Variants in STX5 observed in about 807,000 individuals in gnomAD.
The protein encoded by STX5 is syntaxin-5.
In STX5, 15 loss-of-function variants were observed where a neutral mutation model predicts 42.9. The observed-to-expected ratio is 0.35, with a 90% CI of 0.23 to 0.54. The LOEUF (loss-of-function observed/expected upper bound fraction) is 0.54, where lower values mean the gene tolerates loss of function less well. STX5 is among the 20% of genes least tolerant of loss of function. The pLI, the probability that STX5 is intolerant of heterozygous loss-of-function variation, is 0.91. For missense variants in STX5, 430 were observed against 455.0 expected (o/e 0.95, Z 0.50); for synonymous variants, 184 against 173.2 (o/e 1.06, Z -0.49).
intron 10 of STX5, among the ~76,000 whole-genome samples, chr11:62,812,073 C>CTTTTT (rs1192177705): frequency 6.2e-5 from 7 of 113,786 alleles, no homozygotes; most frequent in East Asian, 2.7e-4. Flanking sequence ...ACTCAAATAC[C>CTTTTT]TTTTTTTTTT....
At chr11:62,831,587 C>A (rs2084865787) in intron 1 of STX5, among the ~76,000 whole-genome samples, 1 of 152,150 alleles carries the variant, frequency 6.6e-6, no homozygotes, top group Admixed American at 6.5e-5. Context: ...CGGGCCCTAA[C>A]CCAGCCCTTT....
chr11:62,829,014 G>A (rs891959748), intron 2 of STX5, among the ~76,000 whole-genome samples: 2 of 151,498 alleles, frequency 1.3e-5, no homozygotes, highest in Admixed American at 1.3e-4. Context: ...AGTGAACCCA[G>A]ATCACGTCAC....
chr11:62,818,087 T>C (rs1420618081), intron 10 of STX5, among the ~76,000 whole-genome samples: 5 of 151,536 alleles, frequency 3.3e-5, no homozygotes. Context: ...CTCCTAAAAA[T>C]ACAAAAAATT....
chr11:62,816,116 T>G (rs1443859286), intron 10 of STX5: 1 of 152,216 alleles, frequency 6.6e-6, no homozygotes. Flanking sequence ...AGACGCATGT[T>G]AAAATATTTA....
intron 8 of STX5, 160 bp downstream of exon 8, chr11:62,824,876 A>T: frequency 1.5e-6 from 1 of 677,454 alleles, no homozygotes; most frequent in Non-Finnish European, 2.5e-6. Flanking sequence ...CTAAATGTGG[A>T]TCACGAATCT....
chr11:62,824,507 G>A lies in STX5; in HGVS notation c.738C>T (p.Asp246=). Residue 246 remains aspartate (D), a synonymous_variant, in exon 9 of 11, where the codon GAC becomes GAT. Coordinates refer to ENST00000294179, the MANE Select transcript of STX5 (RefSeq NM_003164.5). The part of the protein sequence containing the change: ...ESHASKDVAI[D]MMDSRTSQQL... ...GCTGGCTGGTCCGAGAGTCCATCATGTCGATGGCGACATCCTTGGAGGCAT... is the reference window on the plus strand; with the variant it reads ...GCTGGCTGGTCCGAGAGTCCATCATATCGATGGCGACATCCTTGGAGGCAT... The A allele has an allele frequency of 6.2e-7, 1 of 1,614,200 alleles. No individual in the cohort carries two copies. Among genetic ancestry groups the A allele is most frequent in the South Asian group, 1.1e-5 (1 of 91,082 alleles).
At chr11:62,830,245 C>T (rs978725548) in intron 2 of STX5, 3 of 170,532 alleles carry the variant, frequency 1.8e-5, no homozygotes, top group Non-Finnish European at 3.9e-5. Flanking sequence ...AAGTCATCCT[C>T]TGGCCTAGGC....
chr11:62,827,820 T>C (rs543752756), intron 2 of STX5, among the ~76,000 whole-genome samples, 189 bp from the exon 3 acceptor site: 2 of 152,222 alleles, frequency 1.3e-5, no homozygotes, highest in Admixed American at 6.6e-5. Flanking sequence ...AAATCTTGAC[T>C]CACCACTTAC....
chr11:62,831,372 T>G (rs1433363175), intron 1 of STX5, 110 bp from the exon 2 acceptor site: 10 of 836,666 alleles, frequency 1.2e-5, no homozygotes, highest in Non-Finnish European at 1.8e-5. Flanking sequence ...TCGTGGACTT[T>G]CGCGCCCAGG....
At chr11:62,810,773 G>C in intron 10 of STX5, among the ~76,000 whole-genome samples, 1 of 152,166 alleles carries the variant, frequency 6.6e-6, no homozygotes, top group Non-Finnish European at 1.5e-5. Context: ...TGGCATGCAG[G>C]GAGGAAGCAT....
At chr11:62,808,587 T>TA (rs2084579752) in intron 10 of STX5, among the ~76,000 whole-genome samples, 1 of 152,018 alleles carries the variant, frequency 6.6e-6, no homozygotes. Context: ...TTGTCTCTAC[T>TA]AAAAAAATAA....
chr11:62,816,395 C>T (rs927646772), intron 10 of STX5, among the ~76,000 whole-genome samples: 3 of 152,038 alleles, frequency 2.0e-5, no homozygotes, highest in South Asian at 4.1e-4. Context: ...TGATCTTCTC[C>T]GCTGAGCCTC....
chr11:62,824,438 C>T, intron 9 of STX5, 21 bp downstream of exon 9: 1 of 1,614,098 alleles, frequency 6.2e-7, no homozygotes, highest in South Asian at 1.1e-5. Flanking sequence ...GCTGATTCTA[C>T]CTAGTTCAGA....
intron 10 of STX5, among the ~76,000 whole-genome samples, chr11:62,812,207 A>G (rs1165355993): frequency 6.7e-6 from 1 of 150,232 alleles, no homozygotes; most frequent in African/African-American, 2.5e-5. Context: ...CCTCCAGAGT[A>G]GCTGGGATTA....
intron 10 of STX5, chr11:62,816,187 A>T (rs1391543557): frequency 6.6e-6 from 1 of 152,158 alleles, no homozygotes. Context: ...ATAAAGATAA[A>T]GCTAATCTGG....
At chr11:62,816,778 G>C (rs1323959667) in intron 10 of STX5, among the ~76,000 whole-genome samples, 1 of 145,422 alleles carries the variant, frequency 6.9e-6, no homozygotes, top group Admixed American at 7.0e-5. Flanking sequence ...GGTGGTACGT[G>C]ACTGTACTCG....
intron 10 of STX5, among the ~76,000 whole-genome samples, chr11:62,814,489 G>A (rs1428456070): frequency 7.5e-6 from 1 of 132,582 alleles, no homozygotes; most frequent in African/African-American, 2.8e-5. Flanking sequence ...TTAGATAAGA[G>A]TCTCACTCTG....
chr11:62,819,651 G>T (rs1405767468), intron 10 of STX5, among the ~76,000 whole-genome samples: 1 of 151,860 alleles, frequency 6.6e-6, no homozygotes, highest in African/African-American at 2.4e-5. Flanking sequence ...CAGCTACTGG[G>T]AACAGTAGCT....
intron 10 of STX5, among the ~76,000 whole-genome samples, chr11:62,809,223 G>A (rs931465570): frequency 2.7e-5 from 4 of 149,986 alleles, no homozygotes; most frequent in Non-Finnish European, 5.9e-5. Context: ...AGGAGGTGGA[G>A]CTTGCAGTGA....
Sources: allele counts gnomAD v4.1 joint callset (sites outside exome capture counted in the v4.1 genomes callset), GRCh38; gene constraint gnomAD v4.1.1; transcripts MANE v1.5; gene names NCBI Gene and HGNC (gene_info 2026-07-23, HGNC 2026-07-21).